RNGTT: variants seen among roughly 807,000 people sequenced by gnomAD.
RNGTT encodes the protein RNA guanylyltransferase and 5'-phosphatase.
A neutral mutation model predicts 79.3 loss-of-function variants in RNGTT; 33 were observed. The observed-to-expected ratio is 0.42, with a 90% CI of 0.32 to 0.56. The LOEUF (loss-of-function observed/expected upper bound fraction) is 0.56, where lower values mean the gene tolerates loss of function less well. Ranked by LOEUF, RNGTT falls within the 20% of genes least tolerant of loss-of-function variation. The pLI, the probability that RNGTT is intolerant of heterozygous loss-of-function variation, is 0.17. For synonymous variants in RNGTT, 222 were observed against 235.9 expected (o/e 0.94, Z 0.54); for missense variants, 497 against 739.1 (o/e 0.67, Z 3.80).
At chr6:88,864,523 T>A (rs1782109491) in intron 8 of RNGTT, among the ~76,000 whole-genome samples, 1 of 152,132 alleles carries the variant, frequency 6.6e-6, no homozygotes, top group Non-Finnish European at 1.5e-5. Context: ...GAACCATTCA[T>A]CCCATACCAG....
intron 8 of RNGTT, among the ~76,000 whole-genome samples, chr6:88,873,280 AAAG>A (rs777000538): frequency 1.1e-4 from 16 of 152,196 alleles, no homozygotes; most frequent in Admixed American, 2.6e-4. Flanking sequence ...CTAGAAACAT[AAAG>A]AAGAAAGATG....
At chr6:88,616,084 A>T (rs1772206161) in intron 14 of RNGTT, among the ~76,000 whole-genome samples, 1 of 152,240 alleles carries the variant, frequency 6.6e-6, no homozygotes, top group Non-Finnish European at 1.5e-5. Context: ...TCATACGAGT[A>T]TTAACAGAAT....
chr6:88,834,410 A>G (rs1021401181), intron 11 of RNGTT, among the ~76,000 whole-genome samples: 3 of 152,240 alleles, frequency 2.0e-5, no homozygotes, highest in African/African-American at 7.2e-5. Flanking sequence ...ATAATGAATG[A>G]CATATTAATA....
At chr6:88,615,493 C>T (rs971321517) in intron 14 of RNGTT, among the ~76,000 whole-genome samples, 1 of 152,182 alleles carries the variant, frequency 6.6e-6, no homozygotes, top group Non-Finnish European at 1.5e-5. Flanking sequence ...TGGAACTAGA[C>T]ATGCCCAAAA....
chr6:88,921,804 T>TA (rs1211302324), intron 4 of RNGTT, among the ~76,000 whole-genome samples: 3 of 151,980 alleles, frequency 2.0e-5, no homozygotes, highest in Non-Finnish European at 1.5e-5. Flanking sequence ...AAAAATACAG[T>TA]AAAAAATAAT....
chr6:88,760,873 ATTTT>A (rs34821654), intron 13 of RNGTT, among the ~76,000 whole-genome samples: 1 of 143,192 alleles, frequency 7.0e-6, no homozygotes, highest in African/African-American at 2.6e-5. Flanking sequence ...TGAGAAAACG[ATTTT>A]TTTTTTTTTT....
rs117221798 is a variant in RNGTT, at chr6:88,871,040, C to T, written c.897-17276G>A. ...AAAATGCTGTTTGTAGTTTTTACTA[C>T]AAAAACTGCTACAATAATAAATATA... On this transcript the variant is annotated intron_variant, in intron 8 of 15. Transcript: ENST00000369485. 4.6e-5 allele frequency among the ~76,000 whole-genome samples: 7 copies of T among 152,146 alleles called. No individual in the cohort carries two copies. The East Asian group carries it at 7.7e-4, about 17-fold the overall frequency.
intron 14 of RNGTT, among the ~76,000 whole-genome samples, chr6:88,662,485 G>C (rs2127782435): frequency 6.6e-6 from 1 of 152,318 alleles, no homozygotes; most frequent in Non-Finnish European, 1.5e-5. Flanking sequence ...TTACTTTGGG[G>C]AGCTCAGATC....
chr6:88,746,540 A>G (rs1258894356), intron 13 of RNGTT, among the ~76,000 whole-genome samples: 1 of 152,178 alleles, frequency 6.6e-6, no homozygotes, highest in Non-Finnish European at 1.5e-5. Context: ...GGAAGATTTC[A>G]TGTCAAATCA....
chr6:88,962,543 C>T (rs571621312), intron 1 of RNGTT, among the ~76,000 whole-genome samples: 3 of 152,026 alleles, frequency 2.0e-5, no homozygotes, highest in African/African-American at 7.2e-5. Context: ...GAGGCCGAGG[C>T]GGGCGGATCA....
chr6:88,734,041 T>G (rs1481979364), intron 13 of RNGTT, among the ~76,000 whole-genome samples: 1 of 152,166 alleles, frequency 6.6e-6, no homozygotes, highest in Non-Finnish European at 1.5e-5. Context: ...TAAATGACGG[T>G]AATATAAAAT....
Position 88,929,149 on chromosome 6 carries a change from T to A in RNGTT, c.278+15A>T, listed in dbSNP as rs755367508. The A allele has an allele frequency of 6.3e-7, 1 of 1,575,372 alleles. No individual in the cohort carries two copies. Among genetic ancestry groups the A allele is most frequent in the East Asian group, 2.2e-5 (1 of 44,630 alleles). On this transcript the variant is annotated intron_variant, in intron 3 of 15. Coordinates refer to ENST00000369485, the MANE Select transcript of RNGTT (RefSeq NM_003800.5). ...GAAAGGTTTCAATATTAAAGAATCT[T>A]AATATATAACTTACCCTTTACACTG...
At chr6:88,637,708 A>T (rs903123240) in intron 14 of RNGTT, among the ~76,000 whole-genome samples, 2 of 152,158 alleles carry the variant, frequency 1.3e-5, no homozygotes. Context: ...AGTGCATCTG[A>T]GAATCCTAAT....
At chr6:88,708,930 C>T (rs1034188340) in intron 13 of RNGTT, among the ~76,000 whole-genome samples, 4 of 152,056 alleles carry the variant, frequency 2.6e-5, no homozygotes, top group Admixed American at 2.6e-4. Flanking sequence ...CTCTTCGAAA[C>T]ACATAGTATT....
chr6:88,718,137 A>G (rs1358343601), intron 13 of RNGTT, among the ~76,000 whole-genome samples: 1 of 152,166 alleles, frequency 6.6e-6, no homozygotes, highest in African/African-American at 2.4e-5. Flanking sequence ...TCATGCCTGT[A>G]ATCTTAGCAC....
chr6:88,913,227 CA>C lies in RNGTT; in HGVS notation c.368-6788del, dbSNP rs869096332. On this transcript the variant is annotated intron_variant, in intron 4 of 15. Coordinates refer to ENST00000369485, the MANE Select transcript of RNGTT (RefSeq NM_003800.5). ...CTCAAAAAAAAACAAAAAAAAAAAA[CA>C]AAAAAAAAAAAGCCCTAGACCAGAT... Among the ~76,000 whole-genome samples, 131 of 110,194 alleles carry C rather than the reference CA, an allele frequency of 1.2e-3. No homozygotes were observed. In the Middle Eastern group the frequency reaches 0.013, roughly 11 times the overall value. 72.3% of individuals were successfully genotyped at this position (110,194 alleles called of 152,430 possible). A position where few individuals can be genotyped will look rare whatever the true frequency, so the allele number is the denominator to read the frequency against.
At chr6:88,828,746 A>G (rs1215722462) in intron 11 of RNGTT, among the ~76,000 whole-genome samples, 1 of 152,020 alleles carries the variant, frequency 6.6e-6, no homozygotes, top group African/African-American at 2.4e-5. Context: ...AGCATACACA[A>G]ATATCAACAG....
chr6:88,863,663 G>C (rs1286933917), intron 8 of RNGTT, among the ~76,000 whole-genome samples: 2 of 152,126 alleles, frequency 1.3e-5, no homozygotes, highest in Non-Finnish European at 2.9e-5. Flanking sequence ...GACAGAGTTT[G>C]GCAGGGCATG....
At chr6:88,716,480 T>G (rs1582374784) in intron 13 of RNGTT, among the ~76,000 whole-genome samples, 1 of 152,134 alleles carries the variant, frequency 6.6e-6, no homozygotes, top group Non-Finnish European at 1.5e-5. Flanking sequence ...CATACCCAAA[T>G]GACTATAAAT....
Sources: allele counts gnomAD v4.1 joint callset (sites outside exome capture counted in the v4.1 genomes callset), GRCh38; gene constraint gnomAD v4.1.1; transcripts MANE v1.5; gene names NCBI Gene and HGNC (gene_info 2026-07-23, HGNC 2026-07-21).